The following ING3 variants were observed in gnomAD, a reference collection of about 807,000 sequenced individuals.
The protein encoded by ING3 is inhibitor of growth protein 3.
ING3 carries 6 observed loss-of-function variants against 64.8 expected under a neutral mutation model. That is an observed-to-expected ratio of 0.09 (90% confidence interval 0.05 to 0.18). The LOEUF (loss-of-function observed/expected upper bound fraction) is 0.18, where lower values mean the gene tolerates loss of function less well. Ranked by LOEUF, ING3 falls within the 10% of genes least tolerant of loss-of-function variation. The pLI is 1.00. For missense variants in ING3, 310 were observed against 489.7 expected (o/e 0.63, Z 3.46); for synonymous variants, 170 against 173.7 (o/e 0.98, Z 0.17).
chr7:120,975,024 A>C lies in ING3; in HGVS notation c.*180A>C. The C allele has an allele frequency of 2.4e-6, 1 of 410,474 alleles. No homozygotes were observed. Among genetic ancestry groups the C allele is most frequent in the South Asian group, 3.0e-5 (1 of 33,462 alleles). The allele number at this position is 410,474 out of a possible 1,614,324, so 25.4% of individuals were successfully genotyped here. On this transcript the variant is annotated 3_prime_UTR_variant, in exon 12 of 12. Transcript: ENST00000315870. The stretch of plus-strand genomic sequence containing the variant: ...TTATGGGTTGTATTTTAATAATGTA[A>C]GTAAATTATTTATGCACTCCTGGTG...
chr7:120,951,297 A>G (rs1178817623), intron 2 of ING3, 62 bp downstream of exon 2: 2 of 1,476,890 alleles, frequency 1.4e-6, no homozygotes, highest in Admixed American at 1.7e-5. Context: ...CTTGCTTGTC[A>G]TCACTGCTAG....
chr7:120,961,408 T>C (rs943696348), intron 4 of ING3, among the ~76,000 whole-genome samples: 4 of 152,222 alleles, frequency 2.6e-5, no homozygotes, highest in African/African-American at 9.7e-5. Context: ...GTAACAGACT[T>C]GATTGCCTCT....
At chr7:120,958,643 C>T (rs1368844652) in intron 4 of ING3, among the ~76,000 whole-genome samples, 1 of 152,206 alleles carries the variant, frequency 6.6e-6, no homozygotes, top group South Asian at 2.1e-4. Context: ...CACATTGTTG[C>T]TGCCTTAGGG....
chr7:120,967,373 A>G, intron 6 of ING3, 156 bp from the exon 7 acceptor site: 1 of 473,728 alleles, frequency 2.1e-6, no homozygotes. Flanking sequence ...TGTGACACAG[A>G]GTTCTGCTTG....
chr7:120,961,367 T>C (rs985154236), intron 4 of ING3, among the ~76,000 whole-genome samples: 9 of 152,218 alleles, frequency 5.9e-5, no homozygotes, highest in African/African-American at 2.2e-4. Context: ...GTTAGAAATT[T>C]AACTTACTGC....
In ING3 at chr7:120,970,643, A is replaced by G. The variant is rs1306327215; in HGVS notation, c.909-45A>G. On this transcript the variant is annotated intron_variant, in intron 9 of 11. Transcript: ENST00000315870. ...ATTTATTTAGGAGTTATTCTCAGTT[A>G]ACTTCTGGATGGTGAGCAAATAAAA... The G allele has an allele frequency of 4.4e-6, 7 of 1,592,294 alleles. 1 individual carries two copies. The South Asian group carries it at 6.7e-5, about 15-fold the overall frequency.
At chr7:120,970,917 A>G (rs774923063) in intron 10 of ING3, 37 bp downstream of exon 10, 5 of 1,480,606 alleles carry the variant, frequency 3.4e-6, no homozygotes, top group Non-Finnish European at 4.7e-6. Context: ...TATAATCTGA[A>G]TAAACTAGAA....
At chr7:120,959,785 A>G (rs1795905933) in intron 4 of ING3, among the ~76,000 whole-genome samples, 1 of 150,988 alleles carries the variant, frequency 6.6e-6, no homozygotes, top group Non-Finnish European at 1.5e-5. Context: ...AGCTGGGATT[A>G]CAGGCGCCCA....
chr7:120,959,955 TTAAA>T (rs566067588), intron 4 of ING3, among the ~76,000 whole-genome samples: 316 of 152,214 alleles, frequency 2.1e-3, no homozygotes, highest in Non-Finnish European at 3.6e-3. Context: ...TGGCAAACTA[TTAAA>T]TAAAGACTAT....
rs201699433 is a variant in ING3, at chr7:120,968,135, G to A, written c.714+44G>A. On this transcript the variant is annotated intron_variant, in intron 8 of 11. Coordinates refer to ENST00000315870, the MANE Select transcript of ING3 (RefSeq NM_019071.3). ...AGAGACAAAATGTTACATTTTGTCG[G>A]AATCATTGGAAACCTAATAGAAATA... The A allele has an allele frequency of 4.6e-6, 7 of 1,526,510 alleles. No individual in the cohort carries two copies. The African/African-American group carries it at 8.2e-5, about 18-fold the overall frequency. The allele number at this position is 1,526,510 out of a possible 1,614,324, so 94.6% of individuals were successfully genotyped here.
At chr7:120,965,023 A>G (rs948750792) in intron 5 of ING3, among the ~76,000 whole-genome samples, 185 bp downstream of exon 5, 1 of 152,188 alleles carries the variant, frequency 6.6e-6, no homozygotes, top group Non-Finnish European at 1.5e-5. Flanking sequence ...ATAATATAGG[A>G]TATCATCCAC....
At position 120,951,153 on chromosome 7, in the gene ING3, C is replaced by T. The variant is rs757210404; in HGVS notation, c.29-11C>T. ...TGGCCCCGCCCCTCTGACGGACTCT[C>T]CCTTTGACAGTGATTGAGCAGCTTC... On this transcript the variant is annotated splice_polypyrimidine_tract_variant and intron_variant, in intron 1 of 11. Transcript: ENST00000315870. The T allele has an allele frequency of 6.2e-7, 1 of 1,614,088 alleles. No individual in the cohort carries two copies. The highest frequency in any genetic ancestry group is 2.2e-5 in the East Asian group (1 of 44,884).
At chr7:120,954,544 G>GA (rs963358855) in intron 3 of ING3, among the ~76,000 whole-genome samples, 38 of 146,908 alleles carry the variant, frequency 2.6e-4, no homozygotes, top group African/African-American at 6.7e-4. Flanking sequence ...TTTCTCTTAG[G>GA]AAAAAAAAAA....
rs568249450 is a variant in ING3, at chr7:120,956,464, C to T, written c.267+840C>T. 683 of 765,218 alleles carry T rather than the reference C, an allele frequency of 8.9e-4. 9 individuals are homozygous for T. Among genetic ancestry groups the T allele is most frequent in the Non-Finnish European group, 2.1e-4 (125 of 599,872 alleles). The allele number at this position is 765,218 out of a possible 1,614,324, so 47.4% of individuals were successfully genotyped here. On this transcript the variant is annotated intron_variant, in intron 4 of 11. Transcript: ENST00000315870. Reference sequence around the variant, plus strand: ...AGCAGGACACAAGATAAAAGGTGAACACCACATATGGTGTGAATTGTAAAT... The same window carrying T: ...AGCAGGACACAAGATAAAAGGTGAATACCACATATGGTGTGAATTGTAAAT...
At chr7:120,970,201 C>T (rs1796047972) in intron 9 of ING3, among the ~76,000 whole-genome samples, 2 of 152,114 alleles carry the variant, frequency 1.3e-5, no homozygotes, top group African/African-American at 4.8e-5. Flanking sequence ...CGGGGTGGCT[C>T]ATGCCTATAA....
chr7:120,970,081 A>G (rs1796046655), intron 9 of ING3, among the ~76,000 whole-genome samples: 1 of 152,216 alleles, frequency 6.6e-6, no homozygotes, highest in Non-Finnish European at 1.5e-5. Context: ...GTATTCACAC[A>G]TCAGTTGATG....
chr7:120,967,489 C>T (rs1466449312), intron 6 of ING3, 40 bp from the exon 7 acceptor site: 2 of 1,426,700 alleles, frequency 1.4e-6, no homozygotes, highest in Non-Finnish European at 9.6e-7. Context: ...CCATAGTTCT[C>T]TAAAGTTTAA....
Position 120,976,188 on chromosome 7 carries a change from G to C in ING3, c.*1344G>C, listed in dbSNP as rs1034494026. 4.6e-5 allele frequency: 7 copies of C among 151,974 alleles called. No individual in the cohort carries two copies. The highest frequency in any genetic ancestry group is 1.7e-4 in the African/African-American group (7 of 41,378). The allele number at this position is 151,974 out of a possible 1,614,324, so 9.4% of individuals were successfully genotyped here. ...TTATTTAAAGTATAATATTGAGTCT[G>C]GTCGATAGAAAAATCCTTAACTTTT... is the stretch of plus-strand genomic sequence containing the variant. On this transcript the variant is annotated 3_prime_UTR_variant, in exon 12 of 12. Coordinates refer to ENST00000315870, the MANE Select transcript of ING3 (RefSeq NM_019071.3).
At chr7:120,967,132 A>G (rs1796007305) in intron 6 of ING3, among the ~76,000 whole-genome samples, 1 of 152,184 alleles carries the variant, frequency 6.6e-6, no homozygotes, top group African/African-American at 2.4e-5. Context: ...CAGTGAGTGG[A>G]TGAATTGTTA....
Sources: allele counts gnomAD v4.1 joint callset (sites outside exome capture counted in the v4.1 genomes callset), GRCh38; gene constraint gnomAD v4.1.1; transcripts MANE v1.5; gene names NCBI Gene and HGNC (gene_info 2026-07-23, HGNC 2026-07-21).